Variants in KIAA0586 observed in about 807,000 individuals in gnomAD.
KIAA0586 encodes the protein protein TALPID3.
KIAA0586 carries 144 observed loss-of-function variants against 169.8 expected under a neutral mutation model. The ratio of observed to expected loss-of-function variants is 0.85; its 90% CI spans 0.74 to 0.97. The LOEUF (loss-of-function observed/expected upper bound fraction) is 0.97. Ranked by LOEUF, KIAA0586 falls within the 50% of genes least tolerant of loss-of-function variation. The pLI is 0.00. For missense variants in KIAA0586, 1,854 were observed against 1,823.0 expected, an observed-to-expected ratio of 1.02 and a Z score of -0.31; for synonymous variants, 625 against 612.4, an observed-to-expected ratio of 1.02 and a Z score of -0.30.
At chr14:58,557,901 CTTTTTTTTTTTTT>C in the KIAA0586 span, among the ~76,000 whole-genome samples, 2 of 42,500 alleles carry the variant, frequency 4.7e-5, no homozygotes, top group African/African-American at 2.5e-4. Flanking sequence ...CCTGAGAAAT[CTTTTTTTTTTTTT>C]TTTTTTTTTT....
intron 4 of KIAA0586, chr14:58,442,006 A>T (rs1452884184): frequency 2.0e-5 from 3 of 152,222 alleles, no homozygotes; most frequent in Non-Finnish European, 4.4e-5. Flanking sequence ...AAATAATAAA[A>T]GAAAAAAGAA....
chr14:58,512,483 A>G, intron 28 of KIAA0586, 39 bp from the exon 29 acceptor site: 4 of 1,141,780 alleles, frequency 3.5e-6, no homozygotes, highest in Admixed American at 6.9e-5. Flanking sequence ...TTAAGTAACT[A>G]AAAAATAATA....
rs1466720328 is a variant in KIAA0586 at position 58,488,774 on chromosome 14, G to A, written c.3681G>A (p.Glu1227=). ...CAGGTTCTGATTCATCAACACTGGA[G>A]AGCACATTGAGTGTTACTGTCACTG... ...QMPGSDSSTL[E]STLSVTVTET... Residue 1227 remains glutamate (E), a synonymous_variant, in exon 24 of 31, where the codon GAG becomes GAA. Coordinates refer to ENST00000652326, the MANE Select transcript of KIAA0586 (RefSeq NM_001329943.3). The A allele has an allele frequency of 1.9e-6, 3 of 1,613,848 alleles. No individual in the cohort carries two copies. The highest frequency in any genetic ancestry group is 2.5e-6 in the Non-Finnish European group (3 of 1,179,824).
At chr14:58,470,470 G>A (rs2041122691) in intron 16 of KIAA0586, 143 bp from the exon 17 acceptor site, 3 of 372,730 alleles carry the variant, frequency 8.0e-6, no homozygotes, top group Admixed American at 4.6e-5. Flanking sequence ...TATCCATTGG[G>A]TTCACAATAA....
chr14:58,477,864 C>T (rs761163809), intron 20 of KIAA0586, among the ~76,000 whole-genome samples: 19 of 151,020 alleles, frequency 1.3e-4, no homozygotes, highest in South Asian at 6.3e-4. Flanking sequence ...TTTCCCCTTT[C>T]GCTCTTCTCC....
Position 58,448,326 on chromosome 14 carries a change from C to G in KIAA0586, c.808-14C>G, listed in dbSNP as rs765153409. ...TGATATTTGAAAATAATAAAATAAT[C>G]TTATTTCTTCTAGACTCATTTTATT... On this transcript the variant is annotated splice_polypyrimidine_tract_variant and intron_variant, in intron 6 of 30. Coordinates refer to ENST00000652326, the MANE Select transcript of KIAA0586 (RefSeq NM_001329943.3). The G allele has an allele frequency of 8.1e-6, 12 of 1,473,210 alleles. No individual in the cohort carries two copies. Among genetic ancestry groups the G allele is most frequent in the Non-Finnish European group, 1.1e-5 (12 of 1,077,756 alleles). The allele number at this position is 1,473,210 out of a possible 1,614,324, so 91.3% of individuals were successfully genotyped here.
chr14:58,450,149 A>C (rs1387325319), intron 7 of KIAA0586, among the ~76,000 whole-genome samples: 1 of 152,192 alleles, frequency 6.6e-6, no homozygotes, highest in Non-Finnish European at 1.5e-5. Flanking sequence ...CATCTTCATA[A>C]ATAATACTGT....
chr14:58,545,742 A>G (rs1045310278), intron 30 of KIAA0586, among the ~76,000 whole-genome samples: 47 of 152,200 alleles, frequency 3.1e-4, no homozygotes, highest in Middle Eastern at 3.2e-3. Flanking sequence ...AAGGCCAGGC[A>G]TGGTGGCTCA....
intron 27 of KIAA0586, among the ~76,000 whole-genome samples, chr14:58,501,404 GT>G (rs2141340223): frequency 6.6e-6 from 1 of 152,344 alleles, no homozygotes; most frequent in South Asian, 2.1e-4. Context: ...GTTAAACAGA[GT>G]TAACACTAGG....
At chr14:58,524,219 A>G (rs2045418232) in intron 29 of KIAA0586, among the ~76,000 whole-genome samples, 2 of 152,230 alleles carry the variant, frequency 1.3e-5, no homozygotes, top group Admixed American at 6.5e-5. Flanking sequence ...TGCAGTCTTA[A>G]TGTATGGCTG....
intron 6 of KIAA0586, among the ~76,000 whole-genome samples, chr14:58,446,750 TTA>T (rs2038935450): frequency 6.6e-6 from 1 of 152,122 alleles, no homozygotes; most frequent in South Asian, 2.1e-4. Flanking sequence ...ATTGGAATGA[TTA>T]TATGCATACC....
At chr14:58,560,370 C>T in the KIAA0586 span, among the ~76,000 whole-genome samples, 1 of 152,204 alleles carries the variant, frequency 6.6e-6, no homozygotes, top group Non-Finnish European at 1.5e-5. Context: ...TCCTCTTTCA[C>T]AGGCTGGTTC....
intron 29 of KIAA0586, among the ~76,000 whole-genome samples, chr14:58,535,147 TGTA>T (rs1395807855): frequency 2.0e-5 from 3 of 152,230 alleles, no homozygotes; most frequent in Non-Finnish European, 2.9e-5. Context: ...GCAAACCTAT[TGTA>T]GTTTTTAAGA....
At chr14:58,557,800 G>A in the KIAA0586 span, among the ~76,000 whole-genome samples, 29 of 151,808 alleles carry the variant, frequency 1.9e-4, no homozygotes, top group East Asian at 5.2e-3. Context: ...GTTGCTGGGG[G>A]AGACCTTCAG....
rs894714890 is a variant in KIAA0586, at chr14:58,443,999, C to A, written c.631C>A (p.Leu211Ile). The A allele has an allele frequency of 6.2e-7, 1 of 1,610,890 alleles. No individual in the cohort carries two copies. The highest frequency in any genetic ancestry group is 8.5e-7 in the Non-Finnish European group (1 of 1,178,248). ...AAAAGTCAATTCTGTTACAGAATTA[C>A]TTAGTAAATTACAGGAGACTGATAA... ...EAKVNSVTEL[L>I]SKLQETDKHL... Residue 211 changes from leucine to isoleucine, a missense_variant, in exon 6 of 31, where the codon CTT becomes ATT. Coordinates refer to ENST00000652326, the MANE Select transcript of KIAA0586 (RefSeq NM_001329943.3).
intron 29 of KIAA0586, among the ~76,000 whole-genome samples, chr14:58,538,426 G>C (rs1413113416): frequency 1.3e-5 from 2 of 151,866 alleles, no homozygotes; most frequent in African/African-American, 4.8e-5. Flanking sequence ...TTAATTTTTA[G>C]TATAAATTTT....
At position 58,498,922 on chromosome 14, in the gene KIAA0586, A is replaced by G. The variant is rs1005767209; in HGVS notation, c.4130A>G (p.Asp1377Gly). The change falls in exon 27 of 31, where the codon GAT (aspartate) becomes GGT (glycine). Residue 1377 changes from aspartate to glycine, a missense_variant. Coordinates refer to ENST00000652326, the MANE Select transcript of KIAA0586 (RefSeq NM_001329943.3). ...ACACAGTCTTTGGATCAACAATGTG[A>G]TCCTAAACCATTATCTCGGCAATTT... ...TNTQSLDQQC[D>G]PKPLSRQFDT... 6.2e-7 allele frequency: 1 copy of G among 1,608,904 alleles called. No homozygotes were observed. The highest frequency in any genetic ancestry group is 1.3e-5 in the African/African-American group (1 of 74,878).
Position 58,474,591 on chromosome 14 carries a change from T to A in KIAA0586, c.2635-16T>A. 6.5e-7 allele frequency: 1 copy of A among 1,539,980 alleles called. No individual in the cohort carries two copies. Among genetic ancestry groups the A allele is most frequent in the Non-Finnish European group, 8.7e-7 (1 of 1,145,320 alleles). ...CAAATACATGAATATAATAGTTTTG[T>A]TTTTGTTACTACCAGGAAGAAGAAA... is the stretch of plus-strand genomic sequence containing the variant. On this transcript the variant is annotated splice_polypyrimidine_tract_variant and intron_variant, in intron 18 of 30. Coordinates refer to ENST00000652326, the MANE Select transcript of KIAA0586 (RefSeq NM_001329943.3).
At chr14:58,511,595 C>G (rs1469046016) in intron 28 of KIAA0586, among the ~76,000 whole-genome samples, 1 of 152,156 alleles carries the variant, frequency 6.6e-6, no homozygotes, top group East Asian at 1.9e-4. Context: ...TCCTAGTACC[C>G]ATCTTAGAAA....
Sources: allele counts gnomAD v4.1 joint callset (sites outside exome capture counted in the v4.1 genomes callset), GRCh38; gene constraint gnomAD v4.1.1; transcripts MANE v1.5; gene names NCBI Gene and HGNC (gene_info 2026-07-23, HGNC 2026-07-21).